The following EGF variants were observed in gnomAD, a reference collection of about 807,000 sequenced individuals.
The protein encoded by EGF is epidermal growth factor.
EGF carries 95 observed loss-of-function variants against 143.8 expected under a neutral mutation model. The ratio of observed to expected loss-of-function variants is 0.66; its 90% confidence interval spans 0.56 to 0.78. The LOEUF is 0.78. EGF is among the 30% of genes least tolerant of loss of function. The pLI, the probability that EGF is intolerant of heterozygous loss-of-function variation, is 0.00. For synonymous variants in EGF, 510 were observed against 510.5 expected, an observed-to-expected ratio of 1.00 and a Z score of 0.01; for missense variants, 1,320 against 1,470.9, an observed-to-expected ratio of 0.90 and a Z score of 1.68.
chr4:109,916,553 C>G (rs1251189545), intron 1 of EGF, among the ~76,000 whole-genome samples: 2 of 152,072 alleles, frequency 1.3e-5, no homozygotes, highest in African/African-American at 4.8e-5. Context: ...ATTAGAATCA[C>G]TAATGTCTGG....
chr4:109,928,721 TAG>T (rs967524049), intron 1 of EGF, among the ~76,000 whole-genome samples: 2 of 152,206 alleles, frequency 1.3e-5, no homozygotes, highest in African/African-American at 4.8e-5. Flanking sequence ...GATGCTATAC[TAG>T]AGTCAGTCTG....
In EGF at chr4:109,979,989, G is replaced by A; in HGVS notation, c.2071G>A (p.Ala691Thr). Residue 691 changes from alanine (A) to threonine (T), a missense_variant, in exon 14 of 24, where the codon GCA becomes ACA. Transcript: ENST00000265171. ...GTTTCCAGGTCACCCATTTGCTGTA[G>A]CAGTGTTTGAGGATTATGTGTGGTT... ...QNDVGHPFAV[A>T]VFEDYVWFSD... is the part of the protein sequence containing the mutation. 2.5e-6 allele frequency: 4 copies of A among 1,614,020 alleles called. No homozygotes were observed. The highest frequency in any genetic ancestry group is 1.1e-5 in the South Asian group (1 of 91,078).
intron 5 of EGF, among the ~76,000 whole-genome samples, chr4:109,947,241 T>G (rs1410861213): frequency 6.6e-6 from 1 of 152,188 alleles, no homozygotes; most frequent in African/African-American, 2.4e-5. Context: ...ATGTACCTCA[T>G]AAATGATGTG....
At chr4:109,927,383 G>T (rs1291931405) in intron 1 of EGF, among the ~76,000 whole-genome samples, 3 of 151,956 alleles carry the variant, frequency 2.0e-5, no homozygotes, top group Non-Finnish European at 4.4e-5. Context: ...TTAACATGCG[G>T]GGGGACTTTT....
chr4:109,995,012 C>T, intron 20 of EGF, 132 bp downstream of exon 20: 1 of 1,084,000 alleles, frequency 9.2e-7, no homozygotes, highest in African/African-American at 1.5e-5. Flanking sequence ...TAAACATACA[C>T]ATATGAACCA....
chr4:109,942,021 T>A (rs1031655889), intron 2 of EGF, among the ~76,000 whole-genome samples: 2 of 152,232 alleles, frequency 1.3e-5, no homozygotes, highest in Non-Finnish European at 2.9e-5. Context: ...TCTTTCCAGT[T>A]ATTCTTAAAA....
At chr4:109,940,795 C>A in intron 1 of EGF, 151 bp from the exon 2 acceptor site, 1 of 748,686 alleles carries the variant, frequency 1.3e-6, no homozygotes, top group Admixed American at 2.5e-5. Context: ...TCTACAGGAA[C>A]TCTTTATTGT....
At chr4:109,917,574 G>A (rs549351990) in intron 1 of EGF, among the ~76,000 whole-genome samples, 1 of 151,952 alleles carries the variant, frequency 6.6e-6, no homozygotes, top group South Asian at 2.1e-4. Context: ...ATTGTGTGAT[G>A]GTGAGGTTTG....
At chr4:109,934,948 T>A (rs1437672386) in intron 1 of EGF, among the ~76,000 whole-genome samples, 4 of 152,188 alleles carry the variant, frequency 2.6e-5, no homozygotes, top group African/African-American at 9.7e-5. Flanking sequence ...GGTACCATGC[T>A]GTTTTGGTTA....
rs762278140 is a variant in EGF at position 109,983,510 on chromosome 4, A to G, written c.2460A>G (p.Gln820=). 6.2e-7 allele frequency: 1 copy of G among 1,613,796 alleles called. No homozygotes were observed. The highest frequency in any genetic ancestry group is 8.5e-7 in the Non-Finnish European group (1 of 1,179,808). The change falls in exon 16 of 24, where the codon CAA becomes CAG. Residue 820 remains glutamine, a synonymous_variant. Coordinates refer to ENST00000265171, the MANE Select transcript of EGF (RefSeq NM_001963.6). The stretch of plus-strand genomic sequence containing the variant: ...CAGAAGATAACATTACAGAATCTCA[A>G]CACATGCTAGTGGCTGAAATCATGG... ...RVSEDNITES[Q]HMLVAEIMVS...
rs765160617 is a variant in EGF, at chr4:109,961,003, A to G, written c.1189+14A>G. ...AACGATGTCATCGTAAGTTATAGCA[A>G]CAAGTATTTATTGCATTAGTTTTCT... On this transcript the variant is annotated intron_variant, in intron 7 of 23. Transcript: ENST00000265171. The G allele has an allele frequency of 7.4e-6, 12 of 1,613,552 alleles. No individual in the cohort carries two copies. The highest frequency in any genetic ancestry group is 1.1e-5 in the South Asian group (1 of 91,070).
chr4:109,976,281 A>G, intron 13 of EGF, 46 bp downstream of exon 13: 1 of 1,507,544 alleles, frequency 6.6e-7, no homozygotes. Context: ...CTGAGTGTTT[A>G]TGAGTGTTAA....
chr4:109,980,792 A>T (rs1749234211), intron 14 of EGF, 34 bp from the exon 15 acceptor site: 1 of 1,613,692 alleles, frequency 6.2e-7, no homozygotes, highest in South Asian at 1.1e-5. Context: ...TCATCTTCAA[A>T]CCCACTTGTG....
rs571807077 is a variant in EGF at position 109,975,072 on chromosome 4, A to C, written c.1829+265A>C. On this transcript the variant is annotated intron_variant, in intron 12 of 23. Coordinates refer to ENST00000265171, the MANE Select transcript of EGF (RefSeq NM_001963.6). ...TAACCAACTAGACTCAAGCTCATTC[A>C]TCTACTTTCTTTAAAAATTTGCATT... is the stretch of plus-strand genomic sequence containing the variant. Among the ~76,000 whole-genome samples, 6 of 152,340 alleles carry C rather than the reference A, an allele frequency of 3.9e-5. No individual in the cohort carries two copies. The South Asian group carries it at 1.2e-3, about 32-fold the overall frequency.
intron 21 of EGF, among the ~76,000 whole-genome samples, chr4:110,003,324 C>CT (rs1397771725): frequency 2.0e-5 from 3 of 152,038 alleles, no homozygotes; most frequent in Non-Finnish European, 2.9e-5. Context: ...TCATGAGCAT[C>CT]TTTTTTTTCT....
At chr4:109,977,227 T>C (rs1476180979) in intron 13 of EGF, 5 of 152,110 alleles carry the variant, frequency 3.3e-5, no homozygotes, top group South Asian at 2.1e-4. Context: ...GTTGGGAAGA[T>C]GAAAAAACAT....
chr4:109,951,344 C>A (rs1230803127), intron 5 of EGF, among the ~76,000 whole-genome samples: 1 of 151,852 alleles, frequency 6.6e-6, no homozygotes, highest in Admixed American at 6.6e-5. Flanking sequence ...GGCAACAGAG[C>A]AAGACTCCGT....
At chr4:109,985,819 T>A in intron 16 of EGF, among the ~76,000 whole-genome samples, 2 of 152,228 alleles carry the variant, frequency 1.3e-5, no homozygotes, top group East Asian at 3.8e-4. Context: ...AGGCCTAATA[T>A]GTAGTAGGTA....
At chr4:110,008,617 G>T (rs1302983743) in intron 23 of EGF, among the ~76,000 whole-genome samples, 1 of 152,202 alleles carries the variant, frequency 6.6e-6, no homozygotes, top group Non-Finnish European at 1.5e-5. Context: ...TCCATGTTCA[G>T]CCCATCTAGT....
Sources: allele counts gnomAD v4.1 joint callset (sites outside exome capture counted in the v4.1 genomes callset), GRCh38; gene constraint gnomAD v4.1.1; transcripts MANE v1.5; gene names NCBI Gene and HGNC (gene_info 2026-07-23, HGNC 2026-07-21).